The following KANK1 variants were observed in gnomAD, a reference collection of about 807,000 sequenced individuals.
KANK1 encodes the protein KN motif and ankyrin repeat domain-containing protein 1.
KANK1 carries 109 observed loss-of-function variants against 106.2 expected under a neutral mutation model. That is an observed-to-expected ratio of 1.03 (90% CI 0.88 to 1.20). The LOEUF is 1.20. Ranked by LOEUF, KANK1 falls within the 50% of genes most tolerant of loss-of-function variation. The pLI is 0.00. For missense variants in KANK1, 2,399 were observed against 1,710.7 expected (o/e 1.40, Z -7.10); for synonymous variants, 873 against 652.2 (o/e 1.34, Z -5.16).
At chr9:527,406 ATTCTCCTTCCTC>A (rs1191131367) in intron 1 of KANK1, among the ~76,000 whole-genome samples, 7 of 120,020 alleles carry the variant, frequency 5.8e-5, no homozygotes, top group African/African-American at 3.0e-4. Context: ...GTTTGAAGTG[ATTCTCCTTCCTC>A]AGCCCCTCAA....
intron 1 of KANK1, among the ~76,000 whole-genome samples, chr9:574,641 G>C (rs1005207034): frequency 9.2e-5 from 14 of 151,954 alleles, no homozygotes; most frequent in African/African-American, 3.4e-4. Flanking sequence ...TGGATCCTGA[G>C]GTGAGGAGTT....
chr9:726,050 C>T (rs192929201), intron 3 of KANK1, among the ~76,000 whole-genome samples: 12 of 152,234 alleles, frequency 7.9e-5, no homozygotes, highest in African/African-American at 2.9e-4. Context: ...CCTGTATATC[C>T]TTCCATGATT....
intron 1 of KANK1, among the ~76,000 whole-genome samples, chr9:557,477 G>T (rs1190502917): frequency 6.6e-6 from 1 of 152,164 alleles, no homozygotes; most frequent in Non-Finnish European, 1.5e-5. Flanking sequence ...GATCCTACCA[G>T]ATGTTTCTAA....
chr9:670,402 T>C (rs1466221245), intron 1 of KANK1, among the ~76,000 whole-genome samples: 1 of 152,220 alleles, frequency 6.6e-6, no homozygotes, highest in Non-Finnish European at 1.5e-5. Context: ...TTGAATTTCT[T>C]ACACATTTTT....
At chr9:741,805 G>C (rs1835646008) in intron 9 of KANK1, among the ~76,000 whole-genome samples, 3 of 151,808 alleles carry the variant, frequency 2.0e-5, no homozygotes, top group Admixed American at 1.3e-4. Flanking sequence ...TTTTTAAGTA[G>C]AGATGGGGTT....
intron 1 of KANK1, among the ~76,000 whole-genome samples, chr9:508,113 T>G (rs2058852517): frequency 7.3e-6 from 1 of 136,512 alleles, no homozygotes; most frequent in African/African-American, 2.6e-5. Flanking sequence ...TGAGACACCC[T>G]GCTCAGCCTT....
At chr9:684,334 C>T in intron 2 of KANK1, 1 of 985,402 alleles carries the variant, frequency 1.0e-6, no homozygotes, top group Non-Finnish European at 1.2e-6. Flanking sequence ...CTCCTGGGTA[C>T]TGGGCAAAGA....
At chr9:481,709 A>T (rs764106647) in intron 3 of KANK1, among the ~76,000 whole-genome samples, 1 of 152,126 alleles carries the variant, frequency 6.6e-6, no homozygotes, top group Non-Finnish European at 1.5e-5. Flanking sequence ...TTAAAAGAAC[A>T]AATAGGTCTG....
intron 1 of KANK1, among the ~76,000 whole-genome samples, chr9:666,156 G>A (rs1443306020): frequency 6.6e-6 from 1 of 151,968 alleles, no homozygotes; most frequent in African/African-American, 2.4e-5. Context: ...GTGCAAACCT[G>A]GGTGACAGAG....
intron 1 of KANK1, among the ~76,000 whole-genome samples, chr9:628,950 G>GTA: frequency 7.4e-6 from 1 of 134,968 alleles, no homozygotes; most frequent in African/African-American, 3.4e-5. Flanking sequence ...CATGGTGATG[G>GTA]GCGCCTGTAA....
At chr9:523,027 G>A (rs554572348) in intron 1 of KANK1, among the ~76,000 whole-genome samples, 14 of 151,772 alleles carry the variant, frequency 9.2e-5, no homozygotes, top group Admixed American at 7.2e-4. Context: ...CTTTTCTGTA[G>A]ACACTCATTC....
chr9:566,802 G>T (rs1817923816), intron 1 of KANK1, among the ~76,000 whole-genome samples: 1 of 152,090 alleles, frequency 6.6e-6, no homozygotes, highest in Non-Finnish European at 1.5e-5. Context: ...TCTGTAGGTT[G>T]TCTGTTTACT....
chr9:583,568 A>G (rs1822702564), intron 1 of KANK1, among the ~76,000 whole-genome samples: 1 of 152,054 alleles, frequency 6.6e-6, no homozygotes, highest in Admixed American at 6.6e-5. Flanking sequence ...GTATCCTTAT[A>G]TAAAGATCCT....
chr9:721,083 A>C lies in KANK1; in HGVS notation c.2698+7619A>C, dbSNP rs563347689. ...ACTGATGCCTGCAATTGGAGACACT[A>C]GTTGTATTACCAAGGCTTTGACTGG... On this transcript the variant is annotated intron_variant, in intron 3 of 11. Coordinates refer to ENST00000382297, the MANE Select transcript of KANK1 (RefSeq NM_015158.5). Among the ~76,000 whole-genome samples, 8 of 152,348 alleles carry C rather than the reference A, an allele frequency of 5.3e-5. 1 individual carries two copies. The South Asian group carries it at 1.7e-3, about 32-fold the overall frequency.
chr9:574,209 T>C (rs1329844898), intron 1 of KANK1, among the ~76,000 whole-genome samples: 1 of 152,236 alleles, frequency 6.6e-6, no homozygotes, highest in African/African-American at 2.4e-5. Flanking sequence ...TCTGTACCTG[T>C]AACATTCCAT....
intron 3 of KANK1, among the ~76,000 whole-genome samples, chr9:722,533 A>T (rs887494070): frequency 3.3e-5 from 5 of 152,226 alleles, no homozygotes; most frequent in African/African-American, 1.2e-4. Flanking sequence ...TTGCTCAAAC[A>T]CAGCAGTCAT....
At chr9:716,154 A>G (rs1241455041) in intron 3 of KANK1, among the ~76,000 whole-genome samples, 2 of 152,220 alleles carry the variant, frequency 1.3e-5, no homozygotes, top group Admixed American at 1.3e-4. Context: ...AACCTAACAC[A>G]GTATTCTAAT....
intron 6 of KANK1, chr9:733,414 G>A (rs1253430215): frequency 6.6e-6 from 1 of 152,178 alleles, no homozygotes; most frequent in Non-Finnish European, 1.5e-5. Context: ...CTTTTTAACA[G>A]CTTTGAGATG....
At chr9:611,416 A>G (rs1460923768) in intron 1 of KANK1, among the ~76,000 whole-genome samples, 1 of 152,162 alleles carries the variant, frequency 6.6e-6, no homozygotes, top group Non-Finnish European at 1.5e-5. Flanking sequence ...GACTCAAGTA[A>G]TGATTGAACT....
Sources: allele counts gnomAD v4.1 joint callset (sites outside exome capture counted in the v4.1 genomes callset), GRCh38; gene constraint gnomAD v4.1.1; transcripts MANE v1.5; gene names NCBI Gene and HGNC (gene_info 2026-07-23, HGNC 2026-07-21).